Variants in HEATR5B observed in about 807,000 individuals in gnomAD.
HEATR5B encodes the protein HEAT repeat containing 5B.
A neutral mutation model predicts 224.1 loss-of-function variants in HEATR5B; 156 were observed. The observed-to-expected ratio is 0.70, with a 90% CI of 0.61 to 0.80. The LOEUF (loss-of-function observed/expected upper bound fraction) is 0.80, where lower values mean the gene tolerates loss of function less well. HEATR5B is among the 30% of genes least tolerant of loss of function. The pLI is 0.00. For missense variants in HEATR5B, 2,323 were observed against 2,535.5 expected, an observed-to-expected ratio of 0.92 and a Z score of 1.80; for synonymous variants, 1,027 against 893.0, an observed-to-expected ratio of 1.15 and a Z score of -2.68.
rs539355033 is a variant in HEATR5B at position 37,020,629 on chromosome 2, G to A, written c.4035+26C>T. On this transcript the variant is annotated intron_variant, in intron 25 of 35. Transcript: ENST00000233099. ...CAATCTTTCAAAAGATCAATTTTAA[G>A]TTCTTAAATAAATAGAAAATCTCAC... 7.0e-5 allele frequency: 104 copies of A among 1,486,126 alleles called. 1 individual carries two copies. The South Asian group carries it at 1.4e-3, about 19-fold the overall frequency. 92.1% of individuals were successfully genotyped at this position (1,486,126 alleles called of 1,614,324 possible). A position where few individuals can be genotyped will look rare whatever the true frequency, so the allele number is the denominator to read the frequency against.
intron 33 of HEATR5B, among the ~76,000 whole-genome samples, chr2:36,991,860 G>A (rs1666353911): frequency 6.6e-6 from 1 of 152,086 alleles, no homozygotes; most frequent in African/African-American, 2.4e-5. Context: ...CCAGCTTTTT[G>A]TAATATGGAA....
chr2:36,989,086 ATTTCTTT>A (rs1289000080), intron 34 of HEATR5B, among the ~76,000 whole-genome samples: 1 of 151,992 alleles, frequency 6.6e-6, no homozygotes, highest in Non-Finnish European at 1.5e-5. Context: ...CAATTCCTGT[ATTTCTTT>A]TTTCTTTTTT....
At chr2:37,039,600 C>G (rs1383998202) in intron 20 of HEATR5B, among the ~76,000 whole-genome samples, 1 of 152,204 alleles carries the variant, frequency 6.6e-6, no homozygotes, top group Non-Finnish European at 1.5e-5. Context: ...TAATATCAGT[C>G]TCTGGGTTGT....
At chr2:37,006,942 C>T (rs1667462263) in intron 29 of HEATR5B, 108 bp downstream of exon 29, 13 of 971,132 alleles carry the variant, frequency 1.3e-5, no homozygotes, top group South Asian at 6.2e-5. Flanking sequence ...TTCACTTTTC[C>T]TTCTCTGAAC....
chr2:37,067,746 C>T (rs747472600), intron 8 of HEATR5B, among the ~76,000 whole-genome samples: 3 of 151,772 alleles, frequency 2.0e-5, no homozygotes, highest in African/African-American at 4.8e-5. Context: ...CACTCCAGCC[C>T]GGACAGCAGA....
chr2:37,034,752 C>G (rs552420825), intron 21 of HEATR5B, among the ~76,000 whole-genome samples: 1 of 150,928 alleles, frequency 6.6e-6, no homozygotes, highest in Admixed American at 6.6e-5. Flanking sequence ...GAGACAAGGT[C>G]TCATTATATT....
chr2:37,076,916 C>A lies in HEATR5B; in HGVS notation c.442G>T (p.Ala148Ser), dbSNP rs555610476. The A allele has an allele frequency of 6.2e-7, 1 of 1,606,312 alleles. No individual in the cohort carries two copies. The highest frequency in any genetic ancestry group is 1.1e-5 in the South Asian group (1 of 90,940). ...ATATTGGTTGTAAAACTTACCTCTG[C>A]ACTTTTCAGAGATTTCAATAGATTA... ...VNNLLKSLKS[A>S]ESQGRSEILM... Residue 148 changes from alanine to serine, a missense_variant, in exon 4 of 36, where the codon GCA becomes TCA. By Grantham distance (99) the Ala-to-Ser change is moderately conservative. This residue lies in a region of HEATR5B where 292 missense variants were observed against 332.6 expected (regional missense o/e 0.88). Coordinates refer to ENST00000233099, the MANE Select transcript of HEATR5B (RefSeq NM_019024.3).
intron 24 of HEATR5B, among the ~76,000 whole-genome samples, chr2:37,023,987 C>A (rs1026135312): frequency 1.3e-5 from 2 of 151,960 alleles, no homozygotes; most frequent in African/African-American, 4.8e-5. Context: ...GGACTATTCA[C>A]AATAACTGAG....
intron 5 of HEATR5B, among the ~76,000 whole-genome samples, chr2:37,075,220 T>C (rs1239102904): frequency 1.3e-5 from 2 of 152,186 alleles, no homozygotes; most frequent in Non-Finnish European, 2.9e-5. Flanking sequence ...AATGAAATAC[T>C]ACTCAGCAAT....
intron 10 of HEATR5B, among the ~76,000 whole-genome samples, chr2:37,063,961 G>T (rs143579694): frequency 0.034 from 5,238 of 152,142 alleles, 123 homozygotes; most frequent in Non-Finnish European, 0.052. Context: ...ACAGGCATGG[G>T]CCACAATGCC....
chr2:36,988,609 A>G, intron 35 of HEATR5B, 37 bp downstream of exon 35: 2 of 1,516,762 alleles, frequency 1.3e-6, no homozygotes, highest in Non-Finnish European at 1.8e-6. Flanking sequence ...ACAGATCTTC[A>G]TTCTGAACTA....
chr2:37,003,418 C>T (rs757587837), intron 31 of HEATR5B, 124 bp downstream of exon 31: 23 of 656,004 alleles, frequency 3.5e-5, no homozygotes, highest in South Asian at 1.2e-4. Flanking sequence ...CTTGGGTGAC[C>T]GAATGAGACC....
chr2:37,046,421 T>C (rs1439952839), intron 18 of HEATR5B, among the ~76,000 whole-genome samples: 2 of 151,974 alleles, frequency 1.3e-5, no homozygotes, highest in African/African-American at 4.8e-5. Flanking sequence ...GGTGGATCAT[T>C]TGAAGTCAGG....
At chr2:37,037,145 G>GATATAGATATATATATATATATATAT (rs1669536952) in intron 21 of HEATR5B, among the ~76,000 whole-genome samples, 1 of 89,140 alleles carries the variant, frequency 1.1e-5, no homozygotes, top group African/African-American at 3.8e-5. Flanking sequence ...CTAAAAATGT[G>GATATAGATATATATATATATATATAT]ATATATATAT....
chr2:37,011,853 C>G (rs1268009440), intron 27 of HEATR5B, among the ~76,000 whole-genome samples: 1 of 152,104 alleles, frequency 6.6e-6, no homozygotes, highest in Non-Finnish European at 1.5e-5. Flanking sequence ...TACCTCTTTT[C>G]CATATTTTGG....
chr2:37,031,016 T>C (rs1297310232), intron 22 of HEATR5B, among the ~76,000 whole-genome samples: 2 of 152,252 alleles, frequency 1.3e-5, no homozygotes, highest in Non-Finnish European at 2.9e-5. Flanking sequence ...AGGCAGGCCA[T>C]GCCTATGGCA....
At chr2:36,992,227 G>C (rs566355964) in intron 33 of HEATR5B, among the ~76,000 whole-genome samples, 1 of 150,332 alleles carries the variant, frequency 6.7e-6, no homozygotes, top group African/African-American at 2.4e-5. Flanking sequence ...ACAAACAAAA[G>C]AGATGTAAAA....
chr2:37,079,191 A>G lies in HEATR5B; in HGVS notation c.267T>C (p.Phe89=), dbSNP rs781720584. Residue 89 remains phenylalanine (F), a synonymous_variant, in exon 3 of 36, where the codon TTT becomes TTC. Transcript: ENST00000233099. ...TGTCATTGCATTTATCAAGTGTCTG[A>G]AAAACTGTGAAAGTATCCCCAATGC... is the stretch of plus-strand genomic sequence containing the variant. ...LYSIGDTFTV[F]QTLDKCNDII... is the part of the protein sequence containing the mutation. 2 of 1,610,424 alleles carry G rather than the reference A, an allele frequency of 1.2e-6. No individual in the cohort carries two copies. The highest frequency in any genetic ancestry group is 2.2e-5 in the South Asian group (2 of 90,866).
At chr2:36,993,937 C>G (rs1307838297) in intron 33 of HEATR5B, among the ~76,000 whole-genome samples, 1 of 151,606 alleles carries the variant, frequency 6.6e-6, no homozygotes, top group African/African-American at 2.4e-5. Flanking sequence ...GGAACTGCCC[C>G]AGATTAAAGG....
Sources: allele counts gnomAD v4.1 joint callset (sites outside exome capture counted in the v4.1 genomes callset), GRCh38; gene constraint gnomAD v4.1.1; regional missense constraint gnomAD v4.1.1; transcripts MANE v1.5; gene names NCBI Gene and HGNC (gene_info 2026-07-23, HGNC 2026-07-21).